ARHGAP18: variants seen among roughly 807,000 people sequenced by gnomAD.
The protein encoded by ARHGAP18 is rho GTPase-activating protein 18.
A neutral mutation model predicts 86.2 loss-of-function variants in ARHGAP18; 67 were observed. The ratio of observed to expected loss-of-function variants is 0.78; its 90% CI spans 0.64 to 0.95. ARHGAP18 has a LOEUF of 0.95. ARHGAP18 is among the 40% of genes least tolerant of loss of function. ARHGAP18 has a pLI of 0.00. For synonymous variants in ARHGAP18, 283 were observed against 280.4 expected, an observed-to-expected ratio of 1.01 and a Z score of -0.09; for missense variants, 691 against 780.4, an observed-to-expected ratio of 0.89 and a Z score of 1.37.
At chr6:129,677,617 T>C (rs1426124224) in intron 1 of ARHGAP18, among the ~76,000 whole-genome samples, 1 of 152,246 alleles carries the variant, frequency 6.6e-6, no homozygotes, top group Non-Finnish European at 1.5e-5. Context: ...TTGTGTGTGC[T>C]ATTCAACAAA....
chr6:129,613,721 AT>A (rs547883864), intron 7 of ARHGAP18, among the ~76,000 whole-genome samples: 198 of 152,322 alleles, frequency 1.3e-3, no homozygotes, highest in African/African-American at 4.2e-3. Context: ...TGAAAATAAC[AT>A]TTTTAGCTAC....
intron 1 of ARHGAP18, among the ~76,000 whole-genome samples, chr6:129,651,778 C>A (rs189258657): frequency 1.3e-5 from 2 of 152,236 alleles, no homozygotes; most frequent in East Asian, 3.9e-4. Context: ...AGATTTAGAC[C>A]AATAATTTGA....
chr6:129,626,105 C>CACACACACACACATATAT (rs1425322925), intron 5 of ARHGAP18, among the ~76,000 whole-genome samples: 20 of 124,918 alleles, frequency 1.6e-4, no homozygotes, highest in Non-Finnish European at 2.5e-4. Flanking sequence ...CACACACACA[C>CACACACACACACATATAT]ATATATAGAA....
At chr6:129,588,204 G>A (rs1353571782) in intron 12 of ARHGAP18, among the ~76,000 whole-genome samples, 1 of 149,970 alleles carries the variant, frequency 6.7e-6, no homozygotes, top group East Asian at 2.0e-4. Flanking sequence ...TACAACCTCT[G>A]CCTCCTGGGT....
intron 1 of ARHGAP18, among the ~76,000 whole-genome samples, chr6:129,692,456 G>A (rs1035851992): frequency 1.3e-5 from 2 of 152,096 alleles, no homozygotes; most frequent in Non-Finnish European, 2.9e-5. Flanking sequence ...GCCTGGGTAC[G>A]GAGAAATGAT....
At chr6:129,680,078 C>T (rs1016350179) in intron 1 of ARHGAP18, among the ~76,000 whole-genome samples, 6 of 152,196 alleles carry the variant, frequency 3.9e-5, no homozygotes, top group African/African-American at 1.4e-4. Context: ...TAGGACCCAA[C>T]TGGATAATCC....
At chr6:129,668,103 A>G (rs900511184) in intron 1 of ARHGAP18, among the ~76,000 whole-genome samples, 1 of 152,338 alleles carries the variant, frequency 6.6e-6, no homozygotes, top group Non-Finnish European at 1.5e-5. Context: ...TTCCCTAGTC[A>G]GCTACCTGCC....
chr6:129,671,174 A>G (rs1361604328), intron 1 of ARHGAP18, among the ~76,000 whole-genome samples: 6 of 152,200 alleles, frequency 3.9e-5, no homozygotes, highest in Admixed American at 2.6e-4. Flanking sequence ...GTGTGTATGC[A>G]TATGCCCTTT....
At chr6:129,670,579 A>G (rs1004729215) in intron 1 of ARHGAP18, among the ~76,000 whole-genome samples, 2 of 152,174 alleles carry the variant, frequency 1.3e-5, no homozygotes, top group Non-Finnish European at 2.9e-5. Flanking sequence ...GCCTGAAGAG[A>G]AGGCTACGTT....
intron 12 of ARHGAP18, among the ~76,000 whole-genome samples, chr6:129,591,477 C>A (rs1316544897): frequency 6.6e-6 from 1 of 152,154 alleles, no homozygotes; most frequent in Non-Finnish European, 1.5e-5. Flanking sequence ...GTGTTAATTT[C>A]TTATGCATGC....
At chr6:129,592,503 G>T (rs148196190) in intron 12 of ARHGAP18, among the ~76,000 whole-genome samples, 629 of 152,112 alleles carry the variant, frequency 4.1e-3, no homozygotes, top group African/African-American at 0.014. Flanking sequence ...GCTCTCTAAA[G>T]CTTGAGTTCC....
intron 1 of ARHGAP18, among the ~76,000 whole-genome samples, chr6:129,692,685 A>T (rs988889830): frequency 2.0e-5 from 3 of 152,212 alleles, no homozygotes; most frequent in Non-Finnish European, 4.4e-5. Context: ...CATGTCATAC[A>T]GGGACACCTT....
At chr6:129,608,705 T>C (rs1176784486) in intron 8 of ARHGAP18, among the ~76,000 whole-genome samples, 1 of 152,232 alleles carries the variant, frequency 6.6e-6, no homozygotes, top group East Asian at 1.9e-4. Flanking sequence ...AAATTATTAC[T>C]AATAAATCAA....
intron 1 of ARHGAP18, among the ~76,000 whole-genome samples, chr6:129,704,147 T>C (rs1774765450): frequency 6.6e-6 from 1 of 152,078 alleles, no homozygotes; most frequent in African/African-American, 2.4e-5. Flanking sequence ...AAGATATTTC[T>C]CAAAACTGAG....
intron 8 of ARHGAP18, among the ~76,000 whole-genome samples, chr6:129,609,474 T>C (rs1222271198): frequency 1.3e-5 from 2 of 152,238 alleles, no homozygotes; most frequent in African/African-American, 4.8e-5. Context: ...TTTTGCCTCC[T>C]GTGAGCTGGC....
At chr6:129,656,632 A>G (rs1038371881) in intron 1 of ARHGAP18, among the ~76,000 whole-genome samples, 2 of 151,546 alleles carry the variant, frequency 1.3e-5, no homozygotes, top group East Asian at 1.9e-4. Context: ...CGACAAAGCG[A>G]GATTCCGTCT....
chr6:129,634,159 T>C (rs552667130), intron 3 of ARHGAP18, 54 bp from the exon 4 acceptor site: 7 of 1,482,690 alleles, frequency 4.7e-6, no homozygotes, highest in Non-Finnish European at 6.6e-6. Context: ...CCAGAGAAAA[T>C]GGTACTGTAA....
At chr6:129,694,382 A>G (rs1774578589) in intron 1 of ARHGAP18, among the ~76,000 whole-genome samples, 2 of 152,366 alleles carry the variant, frequency 1.3e-5, no homozygotes, top group South Asian at 4.1e-4. Context: ...AAATGAGGAT[A>G]ATACCACCAG....
chr6:129,690,279 C>T (rs888676092), intron 1 of ARHGAP18, among the ~76,000 whole-genome samples: 4 of 152,164 alleles, frequency 2.6e-5, no homozygotes, highest in African/African-American at 9.7e-5. Context: ...AATAAAACCA[C>T]TGCTGAACTA....
Sources: allele counts gnomAD v4.1 joint callset (sites outside exome capture counted in the v4.1 genomes callset), GRCh38; gene constraint gnomAD v4.1.1; transcripts MANE v1.5; gene names NCBI Gene and HGNC (gene_info 2026-07-23, HGNC 2026-07-21).